The following GRIK5 variants were observed in gnomAD, a reference collection of about 807,000 sequenced individuals.
GRIK5 encodes the protein glutamate ionotropic receptor kainate type subunit 5.
In GRIK5, 43 loss-of-function variants were observed where a neutral mutation model predicts 97.4. The observed-to-expected ratio is 0.44, with a 90% CI of 0.35 to 0.57. GRIK5 has a LOEUF of 0.57. Among genes scored for constraint, GRIK5 ranks in the 20% least tolerant of loss-of-function variants. The pLI is 0.01. For synonymous variants in GRIK5, 580 were observed against 583.5 expected (o/e 0.99, Z 0.09); for missense variants, 1,015 against 1,382.0 (o/e 0.73, Z 4.21).
At chr19:42,005,566 A>G (rs2075479044) in intron 17 of GRIK5, among the ~76,000 whole-genome samples, 157 bp downstream of exon 17, 1 of 152,220 alleles carries the variant, frequency 6.6e-6, no homozygotes, top group Non-Finnish European at 1.5e-5. Flanking sequence ...ACAGAGGCTC[A>G]GGACGGTGAT....
At position 42,031,307 on chromosome 19, in the gene GRIK5, C is replaced by T. The variant is rs572213998; in HGVS notation, c.1474-8953G>A. On this transcript the variant is annotated intron_variant, in intron 12 of 19. Transcript: ENST00000593562. Reference sequence around the variant, plus strand: ...GTGACACTAATTTCCACAATTTGCACAAAGGATAGAGAATTGCTTTTGAAT... The same window carrying T: ...GTGACACTAATTTCCACAATTTGCATAAAGGATAGAGAATTGCTTTTGAAT... Among the ~76,000 whole-genome samples, 3 of 152,304 alleles carry T rather than the reference C, an allele frequency of 2.0e-5. No individual in the cohort carries two copies. In the South Asian group the frequency reaches 6.2e-4, roughly 32 times the overall value.
At position 42,003,564 on chromosome 19, in the gene GRIK5, G is replaced by T; in HGVS notation, c.2383C>A (p.Arg795=). ...ATACGCGGGAACTGACCTTTAGCTCGATGGTCCTCCTCCTTGGGGCACCGG... is the reference window on the plus strand; with the variant it reads ...ATACGCGGGAACTGACCTTTAGCTCTATGGTCCTCCTCCTTGGGGCACCGG... ...GGRCPKEEDH[R]AKGLGMENIG... Residue 795 remains arginine, a synonymous_variant, in exon 18 of 20, where the codon CGA becomes AGA. Coordinates refer to ENST00000593562, the MANE Select transcript of GRIK5 (RefSeq NM_002088.5). This position sits in a 1 kb window ranked among gnomAD's most constrained non-coding sequence, Gnocchi z 4.2. 1.2e-6 allele frequency: 2 copies of T among 1,611,130 alleles called. No homozygotes were observed. The highest frequency in any genetic ancestry group is 1.7e-6 in the Non-Finnish European group (2 of 1,178,334).
At chr19:42,068,951 A>AG in intron 1 of GRIK5, 1 of 622,760 alleles carries the variant, frequency 1.6e-6, no homozygotes, top group South Asian at 1.8e-5. Context: ...CGGACATGCC[A>AG]GGGGCCCGGG....
chr19:42,065,761 C>A lies in GRIK5; in HGVS notation c.10G>T (p.Glu4Ter). The A allele has an allele frequency of 6.3e-7, 1 of 1,585,022 alleles. No individual in the cohort carries two copies. Among genetic ancestry groups the A allele is most frequent in the South Asian group, 1.2e-5 (1 of 86,952 alleles). ...GCAACAATCAGCAGCAGCAGCAGCTCAGCCGGCATCTTCCTCCCCTCCTCA... is the reference window on the plus strand; with the variant it reads ...GCAACAATCAGCAGCAGCAGCAGCTAAGCCGGCATCTTCCTCCCCTCCTCA... MPA[E>*]LLLLLIVAFA... is the part of the protein sequence containing the mutation. The change falls in exon 2 of 20, where the codon GAG becomes TAG. Residue 4 changes from glutamate (E) to a stop codon, truncating the protein, a stop_gained. Coordinates refer to ENST00000593562, the MANE Select transcript of GRIK5 (RefSeq NM_002088.5). LOFTEE classifies it high-confidence loss of function. The surrounding 1 kb of genome is among the most constrained non-coding windows in gnomAD (Gnocchi z 5.8).
At chr19:42,011,236 G>A (rs1282044084) in intron 15 of GRIK5, among the ~76,000 whole-genome samples, 1 of 151,984 alleles carries the variant, frequency 6.6e-6, no homozygotes, top group Non-Finnish European at 1.5e-5. Flanking sequence ...TATATCTTAC[G>A]TGAAATGGTA....
At chr19:42,017,065 T>C (rs1272940571) in intron 15 of GRIK5, among the ~76,000 whole-genome samples, 1 of 152,132 alleles carries the variant, frequency 6.6e-6, no homozygotes, top group Non-Finnish European at 1.5e-5. Context: ...TTGGGGGAAA[T>C]CATCTGTCTC....
In GRIK5 at chr19:42,062,821, G is replaced by T. The variant is rs370953251; in HGVS notation, c.279C>A (p.Val93=). ...CQILPKGVVS[V]LGPSSSPASA... ...ATGCTGGGCTAGAGGAGGGCCCAAG[G>T]ACAGACACAACCCCTTTGGGTAAGA... The change falls in exon 4 of 20, where the codon GTC becomes GTA. Residue 93 remains valine, a synonymous_variant. Coordinates refer to ENST00000593562, the MANE Select transcript of GRIK5 (RefSeq NM_002088.5). This position sits in a 1 kb window ranked among gnomAD's most constrained non-coding sequence, Gnocchi z 5.3. 6.2e-6 allele frequency: 10 copies of T among 1,614,008 alleles called. No individual in the cohort carries two copies. In the South Asian group the frequency reaches 1.1e-4, roughly 18 times the overall value.
intron 15 of GRIK5, among the ~76,000 whole-genome samples, chr19:42,018,778 C>A (rs1169840965): frequency 6.8e-6 from 1 of 147,850 alleles, no homozygotes; most frequent in African/African-American, 2.5e-5. Flanking sequence ...GCTGAGGGGG[C>A]CCTGGAGAGG....
chr19:42,039,005 A>T (rs866403764), intron 12 of GRIK5, among the ~76,000 whole-genome samples: 1 of 152,214 alleles, frequency 6.6e-6, no homozygotes, highest in African/African-American at 2.4e-5. Flanking sequence ...CCTCTCCTGC[A>T]TCCCCCACCC....
At chr19:42,056,137 A>G (rs1212139338) in intron 8 of GRIK5, among the ~76,000 whole-genome samples, 2 of 151,948 alleles carry the variant, frequency 1.3e-5, no homozygotes, top group Non-Finnish European at 2.9e-5. Flanking sequence ...GGCACCTGCC[A>G]TCATGCCCAG....
At chr19:42,046,212 A>T (rs1169604634) in intron 11 of GRIK5, among the ~76,000 whole-genome samples, 2 of 152,186 alleles carry the variant, frequency 1.3e-5, no homozygotes, top group African/African-American at 4.8e-5. Context: ...CCACTATGCC[A>T]AGCTGATCTC....
chr19:42,067,982 C>T (rs1486279609), intron 1 of GRIK5, among the ~76,000 whole-genome samples: 1 of 152,114 alleles, frequency 6.6e-6, no homozygotes, highest in Non-Finnish European at 1.5e-5. Context: ...AGCGAAGGCA[C>T]ACAGGGTGAG....
chr19:42,003,810 G>T lies in GRIK5; in HGVS notation c.2264-127C>A. ...CCACGTGCCCAGGGTCTTCCCTGCAGCCTCTCCTCACCCCCAGCCCAGTCT... is the reference window on the plus strand; with the variant it reads ...CCACGTGCCCAGGGTCTTCCCTGCATCCTCTCCTCACCCCCAGCCCAGTCT... On this transcript the variant is annotated intron_variant, in intron 17 of 19. Coordinates refer to ENST00000593562, the MANE Select transcript of GRIK5 (RefSeq NM_002088.5). The surrounding 1 kb of genome is among the most constrained non-coding windows in gnomAD (Gnocchi z 4.2). 1.0e-6 allele frequency: 1 copy of T among 999,292 alleles called. No individual in the cohort carries two copies. Among genetic ancestry groups the T allele is most frequent in the Non-Finnish European group, 1.4e-6 (1 of 702,128 alleles). 61.9% of individuals were successfully genotyped at this position (999,292 alleles called of 1,614,324 possible). A position where few individuals can be genotyped will look rare whatever the true frequency, so the allele number is the denominator to read the frequency against.
At chr19:42,039,857 A>C (rs1321408616) in intron 12 of GRIK5, among the ~76,000 whole-genome samples, 1 of 152,024 alleles carries the variant, frequency 6.6e-6, no homozygotes, top group Non-Finnish European at 1.5e-5. Context: ...GCATATGCCT[A>C]TAGTCCCAGC....
At chr19:42,037,868 A>G (rs1029804618) in intron 12 of GRIK5, among the ~76,000 whole-genome samples, 4 of 152,190 alleles carry the variant, frequency 2.6e-5, no homozygotes, top group Non-Finnish European at 4.4e-5. Flanking sequence ...TCAGCTCCAG[A>G]GCTGCCTGTG....
At chr19:42,047,163 C>T (rs1052785049) in intron 11 of GRIK5, among the ~76,000 whole-genome samples, 14 of 151,944 alleles carry the variant, frequency 9.2e-5, no homozygotes, top group Admixed American at 7.9e-4. Context: ...GCTGGGATTA[C>T]AGGCATGAGC....
chr19:42,057,746 A>C (rs2076206477), intron 6 of GRIK5, among the ~76,000 whole-genome samples: 1 of 152,160 alleles, frequency 6.6e-6, no homozygotes. Flanking sequence ...CAGCCTAGGC[A>C]TAAGGTCAGA....
In GRIK5 at chr19:42,002,889, C is replaced by T. The variant is rs573399165; in HGVS notation, c.2514+443G>A. Reference sequence around the variant, plus strand: ...TAGCTGGGATTACAGGTGTGCACCACCATGCCCGGCTAATTTTTGTATTTT... The same window carrying T: ...TAGCTGGGATTACAGGTGTGCACCATCATGCCCGGCTAATTTTTGTATTTT... On this transcript the variant is annotated intron_variant, in intron 19 of 19. Coordinates refer to ENST00000593562, the MANE Select transcript of GRIK5 (RefSeq NM_002088.5). The surrounding 1 kb of genome is among the most constrained non-coding windows in gnomAD (Gnocchi z 5.2). Among the ~76,000 whole-genome samples, 5 of 152,270 alleles carry T rather than the reference C, an allele frequency of 3.3e-5. No homozygotes were observed. Among genetic ancestry groups the T allele is most frequent in the African/African-American group, 1.2e-4 (5 of 41,538 alleles).
intron 15 of GRIK5, among the ~76,000 whole-genome samples, chr19:42,018,457 G>C (rs2146041767): frequency 6.6e-6 from 1 of 151,442 alleles, no homozygotes; most frequent in South Asian, 2.1e-4. Context: ...TCAGGAGTTA[G>C]AGATCATCCT....
Sources: allele counts gnomAD v4.1 joint callset (sites outside exome capture counted in the v4.1 genomes callset), GRCh38; gene constraint gnomAD v4.1.1; non-coding constraint Gnocchi (gnomAD v3.1); transcripts MANE v1.5; gene names NCBI Gene and HGNC (gene_info 2026-07-23, HGNC 2026-07-21).